The following LMX1B variants were observed in gnomAD, a reference collection of about 807,000 sequenced individuals.
LMX1B encodes the protein LIM homeobox transcription factor 1 beta.
In LMX1B, 12 loss-of-function variants were observed where a neutral mutation model predicts 51.4. That is an observed-to-expected ratio of 0.23 (90% CI 0.15 to 0.38). LMX1B has a LOEUF of 0.38. LMX1B is among the 10% of genes least tolerant of loss of function. The probability of loss-of-function intolerance (pLI) is 1.00; values close to 1 mark genes in which losing one functional copy is unlikely to be tolerated. For synonymous variants in LMX1B, 237 were observed against 235.4 expected (o/e 1.01, Z -0.06); for missense variants, 445 against 571.1 (o/e 0.78, Z 2.25).
At chr9:126,670,838 G>A (rs1344890505) in intron 2 of LMX1B, among the ~76,000 whole-genome samples, 2 of 152,170 alleles carry the variant, frequency 1.3e-5, no homozygotes, top group Admixed American at 1.3e-4. Flanking sequence ...ATTATATGGC[G>A]TTTCTCTTAA....
chr9:126,700,147 C>T lies in LMX1B; in HGVS notation c.*3696C>T, dbSNP rs2030491304. 6.6e-6 allele frequency: 1 copy of T among 152,280 alleles called. No individual in the cohort carries two copies. Among genetic ancestry groups the T allele is most frequent in the South Asian group, 2.1e-4 (1 of 4,836 alleles). 9.4% of individuals were successfully genotyped at this position (152,280 alleles called of 1,614,324 possible). ...TACTCCGTGAAGCCTCCCAGGTACT[C>T]TGCTATCCTGGGAAACGCACAGGGA... is the stretch of plus-strand genomic sequence containing the variant. On this transcript the variant is annotated 3_prime_UTR_variant, in exon 8 of 8. Transcript: ENST00000373474.
At chr9:126,629,057 C>T (rs1444576794) in intron 2 of LMX1B, among the ~76,000 whole-genome samples, 1 of 151,840 alleles carries the variant, frequency 6.6e-6, no homozygotes, top group Admixed American at 6.6e-5. Flanking sequence ...GTTATGACCA[C>T]AAAATTACCA....
rs190059784 is a variant in LMX1B at position 126,695,705 on chromosome 9, G to A, written c.887-134G>A. The A allele has an allele frequency of 5.3e-6, 5 of 937,752 alleles. No homozygotes were observed. Among genetic ancestry groups the A allele is most frequent in the Non-Finnish European group, 6.6e-6 (4 of 605,718 alleles). 58.1% of individuals were successfully genotyped at this position (937,752 alleles called of 1,614,324 possible). A position where few individuals can be genotyped will look rare whatever the true frequency, so the allele number is the denominator to read the frequency against. ...GTGTGCACCTGGGGAAGGGGCTGGG[G>A]AGTCAGTGTCTGGACAGCTTCAGCC... On this transcript the variant is annotated intron_variant, in intron 6 of 7. Transcript: ENST00000373474. The surrounding 1 kb of genome is among the most constrained non-coding windows in gnomAD (Gnocchi z 5.2).
chr9:126,651,087 C>T (rs1835995420), intron 2 of LMX1B, among the ~76,000 whole-genome samples: 1 of 152,040 alleles, frequency 6.6e-6, no homozygotes, highest in Non-Finnish European at 1.5e-5. Flanking sequence ...CTGGATGGGG[C>T]TCCAGGGTGG....
At chr9:126,639,997 T>C (rs988759455) in intron 2 of LMX1B, among the ~76,000 whole-genome samples, 3 of 152,280 alleles carry the variant, frequency 2.0e-5, no homozygotes, top group African/African-American at 7.2e-5. Flanking sequence ...TCAAATGCTA[T>C]GGGAAATTTG....
chr9:126,652,003 G>GC (rs1564155428), intron 2 of LMX1B, among the ~76,000 whole-genome samples: 1 of 151,806 alleles, frequency 6.6e-6, no homozygotes, highest in Non-Finnish European at 1.5e-5. Flanking sequence ...CCAGAGATGG[G>GC]GGGGGGCCTG....
intron 2 of LMX1B, among the ~76,000 whole-genome samples, chr9:126,686,540 G>A (rs2118978288): frequency 6.6e-6 from 1 of 152,316 alleles, no homozygotes; most frequent in South Asian, 2.1e-4. Flanking sequence ...TGTGTTTGGA[G>A]GTAGGGGAGA....
chr9:126,683,105 C>T (rs1320741023), intron 2 of LMX1B, among the ~76,000 whole-genome samples: 2 of 151,048 alleles, frequency 1.3e-5, no homozygotes, highest in Non-Finnish European at 3.0e-5. Flanking sequence ...GGCCGGCGGC[C>T]CCGCACAGCT....
intron 2 of LMX1B, among the ~76,000 whole-genome samples, chr9:126,620,532 C>G (rs1210010984): frequency 3.9e-5 from 6 of 152,186 alleles, no homozygotes; most frequent in Non-Finnish European, 7.3e-5. Context: ...TGGGTGCGCA[C>G]AGGTGCCAAC....
chr9:126,644,634 G>A (rs1835866628), intron 2 of LMX1B, among the ~76,000 whole-genome samples: 1 of 152,142 alleles, frequency 6.6e-6, no homozygotes, highest in South Asian at 2.1e-4. Context: ...CATGAAACAG[G>A]GCTCGGGGAA....
intron 2 of LMX1B, among the ~76,000 whole-genome samples, chr9:126,640,088 G>A (rs930361048): frequency 1.3e-5 from 2 of 152,230 alleles, no homozygotes; most frequent in African/African-American, 4.8e-5. Flanking sequence ...TGTATAGAAA[G>A]AAGAAGGGAG....
intron 2 of LMX1B, among the ~76,000 whole-genome samples, chr9:126,617,035 T>C (rs1835316123): frequency 6.6e-6 from 1 of 152,222 alleles, no homozygotes; most frequent in African/African-American, 2.4e-5. Flanking sequence ...CACACTGCCG[T>C]AGGTCGGCTT....
chr9:126,666,082 A>G (rs964108716), intron 2 of LMX1B, among the ~76,000 whole-genome samples: 1 of 152,230 alleles, frequency 6.6e-6, no homozygotes, highest in Non-Finnish European at 1.5e-5. Flanking sequence ...ACAACCTACC[A>G]GGCAGCTTCT....
chr9:126,674,333 A>T (rs1221528579), intron 2 of LMX1B, among the ~76,000 whole-genome samples: 1 of 152,136 alleles, frequency 6.6e-6, no homozygotes, highest in African/African-American at 2.4e-5. Context: ...AGGCTTTCTC[A>T]GGGCTGCTCT....
intron 2 of LMX1B, among the ~76,000 whole-genome samples, chr9:126,689,379 G>C (rs2030028566): frequency 6.6e-6 from 1 of 152,230 alleles, no homozygotes; most frequent in Non-Finnish European, 1.5e-5. Flanking sequence ...GATTAGTAGA[G>C]AATTGCAGCT....
chr9:126,662,973 G>A (rs968824264), intron 2 of LMX1B, among the ~76,000 whole-genome samples: 1 of 152,192 alleles, frequency 6.6e-6, no homozygotes, highest in Non-Finnish European at 1.5e-5. Flanking sequence ...TGGCAAGGAG[G>A]GTGGCGTTGG....
At chr9:126,636,302 G>A (rs564841204) in intron 2 of LMX1B, among the ~76,000 whole-genome samples, 1 of 152,186 alleles carries the variant, frequency 6.6e-6, no homozygotes, top group African/African-American at 2.4e-5. Context: ...CCCAGACTTA[G>A]GGGCTGGAAG....
In LMX1B at chr9:126,652,873, G is replaced by A. The variant is rs564670010; in HGVS notation, c.326+37304G>A. 1.8e-3 allele frequency among the ~76,000 whole-genome samples: 277 copies of A among 152,318 alleles called. 5 individuals are homozygous for A. Among genetic ancestry groups the A allele is most frequent in the African/African-American group, 6.4e-3 (266 of 41,572 alleles). ...ATGGGGAAGAGGCTCCATGGATGCT[G>A]AGGTGTAGCCCCAGCGGGTGTTGAT... On this transcript the variant is annotated intron_variant, in intron 2 of 7. Coordinates refer to ENST00000373474, the MANE Select transcript of LMX1B (RefSeq NM_001174147.2).
chr9:126,669,176 C>G (rs542546943), intron 2 of LMX1B, among the ~76,000 whole-genome samples: 1 of 152,252 alleles, frequency 6.6e-6, no homozygotes, highest in African/African-American at 2.4e-5. Flanking sequence ...GCATTCCATG[C>G]GGCGAGGGTG....
Sources: gnomAD v4.1 joint callset for allele counts (sites outside exome capture counted in the v4.1 genomes callset) on GRCh38, gnomAD v4.1.1 for gene constraint, Gnocchi (gnomAD v3.1) non-coding constraint, MANE v1.5 for transcripts, NCBI Gene and HGNC (gene_info 2026-07-23, HGNC 2026-07-21) for gene names.